Variants in DPP6 observed in about 807,000 individuals in gnomAD.
The protein encoded by DPP6 is dipeptidyl peptidase like 6.
DPP6 carries 69 observed loss-of-function variants against 122.6 expected under a neutral mutation model. The ratio of observed to expected loss-of-function variants is 0.56; its 90% confidence interval spans 0.46 to 0.69. DPP6 has a LOEUF of 0.69. Ranked by LOEUF, DPP6 falls within the 30% of genes least tolerant of loss-of-function variation. The pLI, the probability that DPP6 is intolerant of heterozygous loss-of-function variation, is 0.00. For synonymous variants in DPP6, 418 were observed against 433.1 expected (o/e 0.97, Z 0.43); for missense variants, 928 against 1,116.9 (o/e 0.83, Z 2.41).
Position 154,304,093 on chromosome 7 carries a change from T to C in DPP6, c.244-142121T>C, listed in dbSNP as rs113854205. Among the ~76,000 whole-genome samples the C allele has an allele frequency of 1.1e-3, 175 of 152,354 alleles. 1 individual carries two copies. The highest frequency in any genetic ancestry group is 4.1e-3 in the African/African-American group (169 of 41,586). On this transcript the variant is annotated intron_variant, in intron 1 of 25. Transcript: ENST00000377770. ...GGCCCTGGCCTGAAGGACTTTATTA[T>C]TGAGAGTTCCCCGTATATATAAATG...
At chr7:154,274,695 C>T (rs544881956) in intron 1 of DPP6, among the ~76,000 whole-genome samples, 1 of 152,260 alleles carries the variant, frequency 6.6e-6, no homozygotes, top group South Asian at 2.1e-4. Flanking sequence ...ATCTGCAAGT[C>T]TGTCTATTTT....
At chr7:154,849,000 A>G (rs962901170) in intron 16 of DPP6, among the ~76,000 whole-genome samples, 2 of 152,144 alleles carry the variant, frequency 1.3e-5, no homozygotes, top group African/African-American at 4.8e-5. Flanking sequence ...TGGGCTCTCT[A>G]TCCTATTCCA....
rs559287316 is a variant in DPP6, at chr7:154,686,476, T to C, written c.762+17035T>C. ...TCTCCCGATACAGCATCTGGTGTAA[T>C]TAATCCGACACCCTTATCTCTCCCC... is the stretch of plus-strand genomic sequence containing the variant. On this transcript the variant is annotated intron_variant, in intron 7 of 25. Coordinates refer to ENST00000377770, the MANE Select transcript of DPP6 (RefSeq NM_130797.4). 5.3e-4 allele frequency among the ~76,000 whole-genome samples: 80 copies of C among 152,188 alleles called. No homozygotes were observed. The South Asian group carries it at 8.7e-3, about 17-fold the overall frequency.
intron 1 of DPP6, among the ~76,000 whole-genome samples, chr7:154,172,385 T>A (rs1365743251): frequency 1.3e-5 from 2 of 152,118 alleles, no homozygotes; most frequent in East Asian, 3.9e-4. Flanking sequence ...CCGCCTCCTG[T>A]GTGAAGAAAG....
chr7:154,592,647 G>A (rs574655647), intron 5 of DPP6, among the ~76,000 whole-genome samples: 3 of 152,112 alleles, frequency 2.0e-5, no homozygotes, highest in Non-Finnish European at 4.4e-5. Flanking sequence ...GGGACGGCAT[G>A]GAAGCAGTGG....
At chr7:154,030,673 C>T (rs978126925) in intron 1 of DPP6, among the ~76,000 whole-genome samples, 11 of 152,134 alleles carry the variant, frequency 7.2e-5, no homozygotes, top group Non-Finnish European at 1.3e-4. Flanking sequence ...CCAGCTTCCC[C>T]ATTGGATCTG....
In DPP6 at chr7:154,863,672, G is replaced by C. The variant is rs3893035; in HGVS notation, c.1715-4323G>C. Among the ~76,000 whole-genome samples the C allele has an allele frequency of 5.8e-3, 886 of 151,962 alleles. 8 individuals carry two copies. Among genetic ancestry groups the C allele is most frequent in the African/African-American group, 0.021 (852 of 41,396 alleles). On this transcript the variant is annotated intron_variant, in intron 17 of 25. Transcript: ENST00000377770. The surrounding 1 kb of genome is among the most constrained non-coding windows in gnomAD (Gnocchi z 4.1). ...TCTGCAAAAATTACAAAATTTAGCC[G>C]GGCATGGTGGTGTATGCCTGTAGTC...
chr7:154,026,134 T>A (rs1407062376), intron 1 of DPP6, among the ~76,000 whole-genome samples: 1 of 151,634 alleles, frequency 6.6e-6, no homozygotes, highest in Non-Finnish European at 1.5e-5. Flanking sequence ...TGAGGTCAGG[T>A]ACGCAGGTGC....
chr7:154,404,604 C>T (rs1354611454), intron 1 of DPP6, among the ~76,000 whole-genome samples: 1 of 152,156 alleles, frequency 6.6e-6, no homozygotes, highest in African/African-American at 2.4e-5. Context: ...ACCAGGTCGA[C>T]CAGAAACATT....
At chr7:153,906,730 G>A (rs764684932) in intron 1 of DPP6, among the ~76,000 whole-genome samples, 1 of 152,230 alleles carries the variant, frequency 6.6e-6, no homozygotes, top group Non-Finnish European at 1.5e-5. Flanking sequence ...AGGATTACAG[G>A]CGTGAGCCAT....
At chr7:154,844,369 T>A (rs990382968) in intron 16 of DPP6, among the ~76,000 whole-genome samples, 2 of 152,236 alleles carry the variant, frequency 1.3e-5, no homozygotes, top group African/African-American at 2.4e-5. Context: ...ATTCTGTGTA[T>A]GTTCTTCGTG....
At chr7:154,319,257 C>T (rs1399720293) in intron 1 of DPP6, among the ~76,000 whole-genome samples, 1 of 152,056 alleles carries the variant, frequency 6.6e-6, no homozygotes, top group African/African-American at 2.4e-5. Context: ...TTTTTGTCTT[C>T]AAATTGTTTT....
chr7:154,443,210 T>C (rs1819531233), intron 1 of DPP6, among the ~76,000 whole-genome samples: 1 of 152,374 alleles, frequency 6.6e-6, no homozygotes, highest in East Asian at 1.9e-4. Context: ...CCTTCAGTTC[T>C]ATTCAGATGT....
intron 7 of DPP6, among the ~76,000 whole-genome samples, chr7:154,710,283 A>G (rs1205536590): frequency 1.3e-5 from 2 of 152,202 alleles, no homozygotes; most frequent in Non-Finnish European, 2.9e-5. Flanking sequence ...ACTCCCTCCC[A>G]GTACTCATGG....
chr7:153,945,944 T>C (rs1380603741), intron 1 of DPP6, among the ~76,000 whole-genome samples: 1 of 152,200 alleles, frequency 6.6e-6, no homozygotes, highest in African/African-American at 2.4e-5. Flanking sequence ...TGGAGCACAC[T>C]GGAATGTGTG....
At chr7:154,398,704 C>G (rs1170338606) in intron 1 of DPP6, among the ~76,000 whole-genome samples, 2 of 152,122 alleles carry the variant, frequency 1.3e-5, no homozygotes, top group Non-Finnish European at 2.9e-5. Flanking sequence ...CAGGTGCATT[C>G]ACACATCACT....
intron 1 of DPP6, among the ~76,000 whole-genome samples, chr7:154,023,318 G>GCACGCACGCACACACACACACACA (rs373378162): frequency 6.9e-5 from 9 of 129,528 alleles, no homozygotes; most frequent in South Asian, 2.7e-4. Flanking sequence ...TTTCTTGTCT[G>GCACGCACGCACACACACACACACA]CACACACACA....
At position 154,588,111 on chromosome 7, in the gene DPP6, G is replaced by A. The variant is rs753055798; in HGVS notation, c.627+21195G>A. ...CCTTGCAGCCTCTGCTGCCAGCACA[G>A]GCTTGTTCCTTCAACACTGGTGGAG... is the stretch of plus-strand genomic sequence containing the variant. On this transcript the variant is annotated intron_variant, in intron 5 of 25. Coordinates refer to ENST00000377770, the MANE Select transcript of DPP6 (RefSeq NM_130797.4). 1.3e-5 allele frequency: 20 copies of A among 1,584,280 alleles called. No individual in the cohort carries two copies. The Admixed American group carries it at 3.1e-4, about 24-fold the overall frequency.
chr7:154,851,632 G>C (rs2150574282), intron 16 of DPP6, among the ~76,000 whole-genome samples: 1 of 152,312 alleles, frequency 6.6e-6, no homozygotes, highest in South Asian at 2.1e-4. Flanking sequence ...TCAGATCGCT[G>C]TTCCCTCACT....
Sources: gnomAD v4.1 joint callset for allele counts (sites outside exome capture counted in the v4.1 genomes callset) on GRCh38, gnomAD v4.1.1 for gene constraint, Gnocchi (gnomAD v3.1) non-coding constraint, MANE v1.5 for transcripts, NCBI Gene and HGNC (gene_info 2026-07-23, HGNC 2026-07-21) for gene names.